Variants in ABCC1 observed in about 807,000 individuals in gnomAD.
ABCC1 encodes the protein ATP binding cassette subfamily C member 1 (ABCC1 blood group).
ABCC1 carries 83 observed loss-of-function variants against 172.9 expected under a neutral mutation model. The observed-to-expected ratio is 0.48, with a 90% CI of 0.40 to 0.58. The LOEUF is 0.58. Among genes scored for constraint, ABCC1 ranks in the 20% least tolerant of loss-of-function variants. The pLI, the probability that ABCC1 is intolerant of heterozygous loss-of-function variation, is 0.00. For synonymous variants in ABCC1, 937 were observed against 825.2 expected, an observed-to-expected ratio of 1.14 and a Z score of -2.32; for missense variants, 1,817 against 2,002.7, an observed-to-expected ratio of 0.91 and a Z score of 1.77.
chr16:15,983,984 C>T (rs549490687), intron 1 of ABCC1, among the ~76,000 whole-genome samples: 2 of 152,288 alleles, frequency 1.3e-5, no homozygotes, highest in Admixed American at 6.5e-5. Context: ...TTGTTTTCTG[C>T]CTCCTCTAGG....
intron 1 of ABCC1, among the ~76,000 whole-genome samples, chr16:15,982,003 G>A (rs1472080913): frequency 6.6e-6 from 1 of 152,136 alleles, no homozygotes; most frequent in Non-Finnish European, 1.5e-5. Flanking sequence ...GAGTCACCTT[G>A]GCTCCATTTC....
chr16:16,124,753 C>G, intron 24 of ABCC1, 36 bp from the exon 25 acceptor site: 1 of 1,613,522 alleles, frequency 6.2e-7, no homozygotes, highest in Admixed American at 1.7e-5. Context: ...AGAGCTGACT[C>G]CATGCCTGTT....
rs1414649906 is a variant in ABCC1 at position 15,968,156 on chromosome 16, T to G, written c.48+18357T>G. On this transcript the variant is annotated intron_variant, in intron 1 of 30. Transcript: ENST00000399410. ...GATTCTCCTGCCTCAGCCTCCCGAG[T>G]AGCTGGGGTTATAGGTGTGTACCAT... Among the ~76,000 whole-genome samples the G allele has an allele frequency of 3.3e-5, 5 of 152,176 alleles. No individual in the cohort carries two copies. The East Asian group carries it at 9.7e-4, about 29-fold the overall frequency.
At chr16:16,095,717 G>T (rs994753624) in intron 19 of ABCC1, among the ~76,000 whole-genome samples, 2 of 151,916 alleles carry the variant, frequency 1.3e-5, no homozygotes, top group Non-Finnish European at 2.9e-5. Context: ...ATGGAGATGG[G>T]ATATCAGTCT....
At position 16,036,695 on chromosome 16, in the gene ABCC1, G is replaced by C. The variant is rs1452872975; in HGVS notation, c.809+92G>C. On this transcript the variant is annotated intron_variant, in intron 7 of 30. Transcript: ENST00000399410. The stretch of plus-strand genomic sequence containing the variant: ...TCCAGGATGGGGCCCTGGCAGTGCT[G>C]CCTGTTACTAGCTTTGTGGTTCTGG... 4 of 1,368,150 alleles carry C rather than the reference G, an allele frequency of 2.9e-6. No individual in the cohort carries two copies. In the Admixed American group the frequency reaches 7.8e-5, roughly 27 times the overall value. 84.8% of individuals were successfully genotyped at this position (1,368,150 alleles called of 1,614,324 possible). A position where few individuals can be genotyped will look rare whatever the true frequency, so the allele number is the denominator to read the frequency against.
chr16:16,059,571 G>A (rs559926971), intron 12 of ABCC1, among the ~76,000 whole-genome samples: 1 of 152,194 alleles, frequency 6.6e-6, no homozygotes, highest in African/African-American at 2.4e-5. Context: ...TTGGGAGGCC[G>A]AGGCGGGCGG....
chr16:16,124,798 C>A lies in ABCC1; in HGVS notation c.3600C>A (p.Ala1200=). The change falls in exon 25 of 31, where the codon GCC becomes GCA. Residue 1200 remains alanine, a synonymous_variant. Transcript: ENST00000399410. ...GTGTGTCTTGGCGCAGGTGGCTGGC[C>A]GTGCGGCTGGAGTGTGTGGGCAACT... ...YPSIVANRWL[A]VRLECVGNCI... The A allele has an allele frequency of 6.2e-7, 1 of 1,614,094 alleles. No individual in the cohort carries two copies. Among genetic ancestry groups the A allele is most frequent in the Non-Finnish European group, 8.5e-7 (1 of 1,180,016 alleles).
chr16:16,125,896 A>G lies in ABCC1; in HGVS notation c.3804A>G (p.Ser1268=). 1 of 1,614,014 alleles carries G rather than the reference A, an allele frequency of 6.2e-7. No individual in the cohort carries two copies. The highest frequency in any genetic ancestry group is 8.5e-7 in the Non-Finnish European group (1 of 1,179,964). The change falls in exon 26 of 31, where the codon TCA becomes TCG. Residue 1268 remains serine, a synonymous_variant. Transcript: ENST00000399410. Reference sequence around the variant, plus strand: ...CCGTGGAGAGGCTCAAGGAGTATTCAGAGACTGAGAAGGAGGTAGGCAAGG... The same window carrying G: ...CCGTGGAGAGGCTCAAGGAGTATTCGGAGACTGAGAAGGAGGTAGGCAAGG... ...IVAVERLKEY[S]ETEKEAPWQI... is the part of the protein sequence containing the mutation.
Position 16,121,856 on chromosome 16 carries a change from C to G in ABCC1, c.3391-119C>G, listed in dbSNP as rs186203409. On this transcript the variant is annotated intron_variant, in intron 23 of 30. Coordinates refer to ENST00000399410, the MANE Select transcript of ABCC1 (RefSeq NM_004996.4). ...GCACCCCTGTGAGGGCAGCCCGGCT[C>G]TAACATTTTGCCTCCTGGAGGTATC... 5 of 1,055,456 alleles carry G rather than the reference C, an allele frequency of 4.7e-6. No individual in the cohort carries two copies. In the African/African-American group the frequency reaches 7.9e-5, roughly 17 times the overall value. The allele number at this position is 1,055,456 out of a possible 1,614,324, so 65.4% of individuals were successfully genotyped here.
At chr16:16,052,648 A>G in intron 10 of ABCC1, 76 bp from the exon 11 acceptor site, 1 of 1,443,864 alleles carries the variant, frequency 6.9e-7, no homozygotes, top group Non-Finnish European at 9.7e-7. Flanking sequence ...CGTGGGATGG[A>G]TCAACCGGGG....
intron 21 of ABCC1, among the ~76,000 whole-genome samples, chr16:16,108,213 A>T (rs2052221807): frequency 6.6e-6 from 1 of 150,862 alleles, no homozygotes; most frequent in Non-Finnish European, 1.5e-5. Context: ...GGGGCTTGTT[A>T]CTTGTCAAAG....
chr16:16,015,013 C>T (rs186885316), intron 4 of ABCC1, among the ~76,000 whole-genome samples: 36 of 152,202 alleles, frequency 2.4e-4, no homozygotes, highest in African/African-American at 6.7e-4. Context: ...GACTGTTCCC[C>T]TGGGGGACCC....
intron 17 of ABCC1, among the ~76,000 whole-genome samples, chr16:16,084,640 T>A: frequency 6.7e-6 from 1 of 150,028 alleles, no homozygotes; most frequent in East Asian, 1.9e-4. Context: ...CTTTTTTTTT[T>A]TTTGAAATGG....
intron 1 of ABCC1, among the ~76,000 whole-genome samples, chr16:15,980,154 G>C (rs2046587751): frequency 6.6e-6 from 1 of 152,132 alleles, no homozygotes; most frequent in Admixed American, 6.5e-5. Flanking sequence ...GAAGGGTTAG[G>C]TAGTACATAT....
At chr16:16,001,215 T>A (rs1437907543) in intron 1 of ABCC1, among the ~76,000 whole-genome samples, 1 of 152,090 alleles carries the variant, frequency 6.6e-6, no homozygotes, top group Non-Finnish European at 1.5e-5. Flanking sequence ...TATTTTTTTT[T>A]ATTTTTTATG....
At position 16,111,402 on chromosome 16, in the gene ABCC1, A is replaced by G. The variant is rs1429275692; in HGVS notation, c.2899A>G (p.Met967Val). Residue 967 changes from methionine (M) to valine (V), a missense_variant, in exon 22 of 31, where the codon ATG (methionine) becomes GTG (valine). Met to Val is a conservative substitution (Grantham distance 21). Around this residue, in one of 3 missense-constraint regions of ABCC1, gnomAD observed 1,412 missense variants for 1,600.3 expected, o/e 0.88. Transcript: ENST00000399410. ...QVKLSVYWDY[M>V]KAIGLFISFL... ...CAAGCTTTCCGTGTACTGGGACTACATGAAGGCCATCGGACTCTTCATCTC... is the reference window on the plus strand; with the variant it reads ...CAAGCTTTCCGTGTACTGGGACTACGTGAAGGCCATCGGACTCTTCATCTC... 6.2e-6 allele frequency: 10 copies of G among 1,614,004 alleles called. No individual in the cohort carries two copies. Among genetic ancestry groups the G allele is most frequent in the Non-Finnish European group, 7.6e-6 (9 of 1,180,030 alleles).
chr16:16,105,812 C>T (rs887200789), intron 20 of ABCC1, among the ~76,000 whole-genome samples: 18 of 146,252 alleles, frequency 1.2e-4, no homozygotes, highest in African/African-American at 1.8e-4. Context: ...AAACTGTGGG[C>T]GACGCAATCT....
intron 1 of ABCC1, among the ~76,000 whole-genome samples, chr16:16,004,333 C>A (rs1279363293): frequency 6.6e-6 from 1 of 152,052 alleles, no homozygotes; most frequent in Non-Finnish European, 1.5e-5. Context: ...TATGTCAAGT[C>A]TTGGTATCGT....
At chr16:15,972,589 T>C (rs1337405465) in intron 1 of ABCC1, among the ~76,000 whole-genome samples, 1 of 152,058 alleles carries the variant, frequency 6.6e-6, no homozygotes, top group East Asian at 1.9e-4. Flanking sequence ...GTCCAAGCCT[T>C]CTTCAAAGGC....
Sources: gnomAD v4.1 joint callset for allele counts (sites outside exome capture counted in the v4.1 genomes callset) on GRCh38, gnomAD v4.1.1 for gene constraint, gnomAD v4.1.1 regional missense constraint, MANE v1.5 for transcripts, NCBI Gene and HGNC (gene_info 2026-07-23, HGNC 2026-07-21) for gene names.